Variants in GPBP1 observed in about 807,000 individuals in gnomAD.
The protein encoded by GPBP1 is vasculin.
Under a neutral mutation model 56.5 loss-of-function variants are expected in GPBP1, and 13 were observed. The ratio of observed to expected loss-of-function variants is 0.23; its 90% CI spans 0.15 to 0.37. GPBP1 has a LOEUF of 0.37. GPBP1 is among the 10% of genes least tolerant of loss of function. GPBP1 has a pLI of 1.00. For missense variants in GPBP1, 477 were observed against 572.3 expected (o/e 0.83, Z 1.70); for synonymous variants, 204 against 188.9 (o/e 1.08, Z -0.66).
intron 2 of GPBP1, among the ~76,000 whole-genome samples, chr5:57,182,133 G>T (rs568138026): frequency 3.4e-4 from 52 of 152,218 alleles, no homozygotes; most frequent in African/African-American, 1.3e-3. Context: ...GCCCAGGCTG[G>T]AGTGCAGTGG....
intron 6 of GPBP1, among the ~76,000 whole-genome samples, chr5:57,242,711 G>GCTC (rs58204425): frequency 6.6e-5 from 10 of 152,232 alleles, no homozygotes; most frequent in African/African-American, 2.2e-4. Flanking sequence ...CTCCGAAAGT[G>GCTC]CTGGAATTAC....
At chr5:57,249,636 A>G in intron 9 of GPBP1, 60 bp downstream of exon 9, 1 of 1,377,252 alleles carries the variant, frequency 7.3e-7, no homozygotes, top group Non-Finnish European at 1.0e-6. Context: ...ATATTTGAGC[A>G]TGTATTAGGA....
chr5:57,214,324 C>T, intron 3 of GPBP1, 131 bp downstream of exon 3: 2 of 758,920 alleles, frequency 2.6e-6, no homozygotes, highest in Non-Finnish European at 2.2e-6. Context: ...GGTGGCTCAC[C>T]CCTGTAATCT....
At chr5:57,243,459 C>T (rs1580066762) in intron 6 of GPBP1, among the ~76,000 whole-genome samples, 1 of 152,084 alleles carries the variant, frequency 6.6e-6, no homozygotes, top group East Asian at 1.9e-4. Flanking sequence ...TCATCTCTTA[C>T]TCTGCTACCT....
intron 2 of GPBP1, among the ~76,000 whole-genome samples, chr5:57,189,812 AT>A (rs1754441142): frequency 1.3e-5 from 2 of 152,070 alleles, no homozygotes; most frequent in African/African-American, 4.8e-5. Flanking sequence ...TTACTGGCCC[AT>A]TGGCCTTCTT....
chr5:57,254,792 A>G (rs779744788), intron 10 of GPBP1, among the ~76,000 whole-genome samples: 40 of 152,198 alleles, frequency 2.6e-4, no homozygotes, highest in Non-Finnish European at 5.1e-4. Flanking sequence ...ATTTAGCTAG[A>G]TTAATTTATA....
chr5:57,194,987 T>G (rs1717547106), intron 2 of GPBP1, among the ~76,000 whole-genome samples: 1 of 152,166 alleles, frequency 6.6e-6, no homozygotes, highest in South Asian at 2.1e-4. Context: ...CTTTTCCATA[T>G]ACTGATTTCC....
At chr5:57,211,149 C>A (rs1755458302) in intron 2 of GPBP1, among the ~76,000 whole-genome samples, 1 of 149,974 alleles carries the variant, frequency 6.7e-6, no homozygotes, top group African/African-American at 2.5e-5. Context: ...ATAGCCATAA[C>A]AATACTGCCT....
Position 57,262,874 on chromosome 5 carries a change from TG to T in GPBP1, c.*127del, listed in dbSNP as rs1407009571. On this transcript the variant is annotated 3_prime_UTR_variant, in exon 12 of 12. Coordinates refer to ENST00000506184, the MANE Select transcript of GPBP1 (RefSeq NM_022913.4). ...AATACCCCATTAGAAGAGGATTTTTTGGGGGACTTCAATATGAAGAAAACCA... is the reference window on the plus strand; with the variant it reads ...AATACCCCATTAGAAGAGGATTTTTTGGGGACTTCAATATGAAGAAAACCA... 2.5e-6 allele frequency: 2 copies of T among 811,354 alleles called. No homozygotes were observed. The highest frequency in any genetic ancestry group is 1.8e-5 in the African/African-American group (1 of 57,120). The allele number at this position is 811,354 out of a possible 1,614,324, so 50.3% of individuals were successfully genotyped here. A position where few individuals can be genotyped will look rare whatever the true frequency, so the allele number is the denominator to read the frequency against.
chr5:57,217,898 A>G (rs1755767378), intron 3 of GPBP1, among the ~76,000 whole-genome samples: 1 of 152,024 alleles, frequency 6.6e-6, no homozygotes, highest in South Asian at 2.1e-4. Flanking sequence ...ACAGATTAAG[A>G]GTTTATTTAA....
intron 2 of GPBP1, among the ~76,000 whole-genome samples, chr5:57,194,766 C>T (rs1432774972): frequency 1.3e-5 from 2 of 152,086 alleles, no homozygotes; most frequent in Non-Finnish European, 2.9e-5. Context: ...TTTTTCTGTG[C>T]CTGGGTTATT....
rs745949155 is a variant in GPBP1 at position 57,246,500 on chromosome 5, C to T, written c.663+16C>T. 2.0e-5 allele frequency: 31 copies of T among 1,572,764 alleles called. No homozygotes were observed. In the African/African-American group the frequency reaches 2.3e-4, roughly 12 times the overall value. On this transcript the variant is annotated intron_variant, in intron 7 of 11. Transcript: ENST00000506184. ...ACCTACAAAAGTAAGTTCTAAATTA[C>T]CACAAATGTAAATTTTGAGTTGATA...
chr5:57,237,428 G>C (rs1211292821), intron 6 of GPBP1: 1 of 451,208 alleles, frequency 2.2e-6, no homozygotes, highest in East Asian at 3.6e-5. Context: ...TGAAAATAAT[G>C]AGAGTAAAAT....
intron 2 of GPBP1, among the ~76,000 whole-genome samples, chr5:57,207,850 A>C (rs1203889703): frequency 6.6e-6 from 1 of 152,136 alleles, no homozygotes; most frequent in Non-Finnish European, 1.5e-5. Context: ...ATGGCCTGCC[A>C]GCCTGCTTTC....
chr5:57,240,958 T>G (rs1005684287), intron 6 of GPBP1, among the ~76,000 whole-genome samples: 1 of 144,094 alleles, frequency 6.9e-6, no homozygotes. Flanking sequence ...GTCTCCCATT[T>G]AAAAAAAAAA....
At chr5:57,193,613 CAAAAAAAAAAAA>C (rs1194542329) in intron 2 of GPBP1, among the ~76,000 whole-genome samples, 1 of 61,514 alleles carries the variant, frequency 1.6e-5, no homozygotes, top group African/African-American at 5.6e-5. Flanking sequence ...GACCCTGTCT[CAAAAAAAAAAAA>C]AAAAAAAAAA....
At chr5:57,178,661 A>G (rs953220528) in intron 2 of GPBP1, among the ~76,000 whole-genome samples, 5 of 152,258 alleles carry the variant, frequency 3.3e-5, no homozygotes, top group African/African-American at 9.6e-5. Context: ...TGAATAGTCT[A>G]TAACATTTGT....
Position 57,175,952 on chromosome 5 carries a change from TTTATC to T in GPBP1, c.-503_-499del. The T allele has an allele frequency of 5.0e-6, 2 of 398,596 alleles. No individual in the cohort carries two copies. The highest frequency in any genetic ancestry group is 8.8e-6 in the Non-Finnish European group (2 of 226,056). The allele number at this position is 398,596 out of a possible 1,614,324, so 24.7% of individuals were successfully genotyped here. A position where few individuals can be genotyped will look rare whatever the true frequency, so the allele number is the denominator to read the frequency against. On this transcript the variant is annotated 5_prime_UTR_variant, in exon 2 of 12. An upstream open reading frame in the 5' UTR loses its in-frame stop. Transcript: ENST00000506184. ...TGAAAGAATACAGAGTTTTTTTCCT[TTTATC>T]TTTTATTTACGTGGAAATTTAAGAT...
chr5:57,204,072 A>G (rs1454211731), intron 2 of GPBP1, among the ~76,000 whole-genome samples: 2 of 152,232 alleles, frequency 1.3e-5, no homozygotes, highest in Non-Finnish European at 2.9e-5. Flanking sequence ...ATCAGAATCA[A>G]CAAGGGAAGT....
Sources: allele counts gnomAD v4.1 joint callset (sites outside exome capture counted in the v4.1 genomes callset), GRCh38; gene constraint gnomAD v4.1.1; transcripts MANE v1.5; gene names NCBI Gene and HGNC (gene_info 2026-07-23, HGNC 2026-07-21).